The following SYNPR variants were observed in gnomAD, a reference collection of about 807,000 sequenced individuals.
SYNPR encodes synaptoporin.
Under a neutral mutation model 32.9 loss-of-function variants are expected in SYNPR, and 23 were observed. That is an observed-to-expected ratio of 0.70 (90% CI 0.50 to 0.99). The LOEUF is 0.99. Among genes scored for constraint, SYNPR ranks in the 50% least tolerant of loss-of-function variants. SYNPR has a pLI of 0.00. For synonymous variants in SYNPR, 146 were observed against 135.9 expected, an observed-to-expected ratio of 1.07 and a Z score of -0.52; for missense variants, 318 against 349.3, an observed-to-expected ratio of 0.91 and a Z score of 0.71.
intron 2 of SYNPR, among the ~76,000 whole-genome samples, chr3:63,371,956 G>C (rs1472679683): frequency 6.6e-6 from 1 of 152,124 alleles, no homozygotes; most frequent in African/African-American, 2.4e-5. Flanking sequence ...ACCATGCAGA[G>C]AGGAGCCCAG....
At chr3:63,304,876 A>G (rs1271343856) in intron 2 of SYNPR, among the ~76,000 whole-genome samples, 2 of 152,006 alleles carry the variant, frequency 1.3e-5, no homozygotes, top group Non-Finnish European at 2.9e-5. Context: ...CTGCAAACCT[A>G]AAAGATTTTC....
intron 1 of SYNPR, among the ~76,000 whole-genome samples, chr3:63,244,795 T>C (rs1415584776): frequency 6.6e-6 from 1 of 152,068 alleles, no homozygotes; most frequent in African/African-American, 2.4e-5. Flanking sequence ...AATGTAAAAA[T>C]AGCTTTCGCT....
chr3:63,467,259 T>G (rs1025706100), intron 2 of SYNPR, among the ~76,000 whole-genome samples: 1 of 152,206 alleles, frequency 6.6e-6, no homozygotes, highest in East Asian at 1.9e-4. Flanking sequence ...AAGACTTTTA[T>G]GTAGAGAATG....
intron 2 of SYNPR, among the ~76,000 whole-genome samples, chr3:63,290,369 C>T (rs1031263912): frequency 2.6e-5 from 4 of 152,122 alleles, no homozygotes; most frequent in African/African-American, 9.7e-5. Flanking sequence ...ACAGCAGGGA[C>T]AATATACATA....
chr3:63,302,261 T>C (rs915515427), intron 2 of SYNPR, among the ~76,000 whole-genome samples: 1 of 152,042 alleles, frequency 6.6e-6, no homozygotes, highest in South Asian at 2.1e-4. Context: ...TGTTTCCCGA[T>C]ATAAACTAGG....
At chr3:63,518,177 C>G (rs563291446) in intron 3 of SYNPR, among the ~76,000 whole-genome samples, 2 of 152,192 alleles carry the variant, frequency 1.3e-5, no homozygotes, top group African/African-American at 4.8e-5. Context: ...CAAGTCTATC[C>G]CCCTTGTCTC....
the SYNPR span, among the ~76,000 whole-genome samples, chr3:63,202,314 C>G: frequency 3.3e-5 from 5 of 152,080 alleles, no homozygotes; most frequent in African/African-American, 9.7e-5. Flanking sequence ...TTGAATATGC[C>G]ATGTTTTTTA....
At chr3:63,462,386 A>G (rs1327819443) in intron 2 of SYNPR, among the ~76,000 whole-genome samples, 1 of 152,134 alleles carries the variant, frequency 6.6e-6, no homozygotes, top group East Asian at 1.9e-4. Flanking sequence ...AATGCCTCCT[A>G]CTTTGTGTGC....
At chr3:63,571,967 A>G (rs1262492391) in intron 4 of SYNPR, among the ~76,000 whole-genome samples, 1 of 152,178 alleles carries the variant, frequency 6.6e-6, no homozygotes, top group African/African-American at 2.4e-5. Context: ...TCTAAGCAGG[A>G]CAGAGCCCAA....
chr3:63,427,725 G>C (rs1437597454), intron 2 of SYNPR: 1 of 152,264 alleles, frequency 6.6e-6, no homozygotes, highest in Non-Finnish European at 1.5e-5. Context: ...AGAGCATACA[G>C]AGATTCTTGG....
upstream of SYNPR, chr3:63,278,300 C>T: frequency 3.5e-6 from 2 of 575,786 alleles, no homozygotes; most frequent in East Asian, 2.9e-5. Context: ...CCCAGCTCTT[C>T]CCTGCCCACC....
At chr3:63,494,460 C>CTTAT (rs1559516410) in intron 3 of SYNPR, among the ~76,000 whole-genome samples, 1 of 77,286 alleles carries the variant, frequency 1.3e-5, no homozygotes, top group East Asian at 4.1e-4. Flanking sequence ...CATATATATA[C>CTTAT]ATATATACAC....
the SYNPR span, among the ~76,000 whole-genome samples, chr3:63,201,879 C>T: frequency 6.6e-6 from 1 of 151,934 alleles, no homozygotes; most frequent in African/African-American, 2.4e-5. Flanking sequence ...TTACTATTTA[C>T]AAATTTACCC....
At chr3:63,291,409 T>C (rs2086737251) in intron 2 of SYNPR, among the ~76,000 whole-genome samples, 1 of 152,142 alleles carries the variant, frequency 6.6e-6, no homozygotes, top group Non-Finnish European at 1.5e-5. Context: ...TCGGTAAAGG[T>C]TGACTGTCCT....
chr3:63,365,262 G>A (rs2087717151), intron 2 of SYNPR, among the ~76,000 whole-genome samples: 1 of 152,062 alleles, frequency 6.6e-6, no homozygotes, highest in Non-Finnish European at 1.5e-5. Context: ...TGAAGGTTGT[G>A]TTCAACAACC....
At chr3:63,536,239 T>A (rs537851726) in intron 3 of SYNPR, among the ~76,000 whole-genome samples, 1 of 152,104 alleles carries the variant, frequency 6.6e-6, no homozygotes, top group South Asian at 2.1e-4. Context: ...GGAACTTACA[T>A]CCAGAATATA....
At chr3:63,327,984 C>G (rs1049543699) in intron 2 of SYNPR, among the ~76,000 whole-genome samples, 3 of 151,994 alleles carry the variant, frequency 2.0e-5, no homozygotes, top group Non-Finnish European at 4.4e-5. Context: ...AAAAGCAGGA[C>G]AAAGTAAATA....
chr3:63,386,896 G>A (rs185723524), intron 2 of SYNPR, among the ~76,000 whole-genome samples: 3 of 152,238 alleles, frequency 2.0e-5, no homozygotes, highest in African/African-American at 7.2e-5. Context: ...GCCTCACCAA[G>A]ACAGTGGGGA....
intron 4 of SYNPR, among the ~76,000 whole-genome samples, chr3:63,564,268 C>T (rs1247576572): frequency 1.3e-5 from 2 of 149,920 alleles, no homozygotes; most frequent in African/African-American, 4.9e-5. Context: ...TCGATCTCGG[C>T]TCACTGCAAC....
Sources: allele counts gnomAD v4.1 joint callset (sites outside exome capture counted in the v4.1 genomes callset), GRCh38; gene constraint gnomAD v4.1.1; transcripts MANE v1.5; gene names NCBI Gene and HGNC (gene_info 2026-07-23, HGNC 2026-07-21).